ABHD12: variants seen among roughly 807,000 people sequenced by gnomAD.
ABHD12 encodes abhydrolase domain containing 12, lysophospholipase.
A neutral mutation model predicts 58.3 loss-of-function variants in ABHD12; 43 were observed. The observed-to-expected ratio is 0.74, with a 90% CI of 0.58 to 0.95. The LOEUF is 0.95. Among genes scored for constraint, ABHD12 ranks in the 40% least tolerant of loss-of-function variants. The pLI, the probability that ABHD12 is intolerant of heterozygous loss-of-function variation, is 0.00. For missense variants in ABHD12, 539 were observed against 537.2 expected, an observed-to-expected ratio of 1.00 and a Z score of -0.03; for synonymous variants, 219 against 211.2, an observed-to-expected ratio of 1.04 and a Z score of -0.32.
At chr20:25,350,228 T>A (rs2146060621) in intron 1 of ABHD12, among the ~76,000 whole-genome samples, 1 of 152,268 alleles carries the variant, frequency 6.6e-6, no homozygotes, top group South Asian at 2.1e-4. Context: ...TTAACACTAT[T>A]CTGGAAGTGC....
At chr20:25,301,344 A>C (rs2088632086) in intron 12 of ABHD12, among the ~76,000 whole-genome samples, 1 of 152,230 alleles carries the variant, frequency 6.6e-6, no homozygotes, top group South Asian at 2.1e-4. Context: ...GATATACAGC[A>C]CTGGGAGGCA....
intron 1 of ABHD12, among the ~76,000 whole-genome samples, chr20:25,374,437 G>C (rs2089937169): frequency 6.6e-6 from 1 of 152,082 alleles, no homozygotes; most frequent in African/African-American, 2.4e-5. Flanking sequence ...GTAATTTTCA[G>C]ATTTTCCATG....
intron 2 of ABHD12, among the ~76,000 whole-genome samples, chr20:25,324,245 T>G (rs1030397683): frequency 2.6e-5 from 4 of 152,122 alleles, no homozygotes; most frequent in African/African-American, 9.7e-5. Flanking sequence ...CCCCACTTTG[T>G]TATTGTAAAA....
chr20:25,346,447 C>T (rs755591030), intron 1 of ABHD12, among the ~76,000 whole-genome samples: 36 of 152,196 alleles, frequency 2.4e-4, no homozygotes, highest in South Asian at 4.1e-4. Flanking sequence ...CAAGAGTGAA[C>T]CCTACTTAAT....
intron 2 of ABHD12, among the ~76,000 whole-genome samples, chr20:25,334,347 A>G (rs2089327109): frequency 6.6e-6 from 1 of 150,630 alleles, no homozygotes; most frequent in Non-Finnish European, 1.5e-5. Flanking sequence ...CATGGGTAGG[A>G]AGAATCAATA....
chr20:25,387,588 AT>A (rs200691844), intron 1 of ABHD12, among the ~76,000 whole-genome samples: 10 of 133,236 alleles, frequency 7.5e-5, no homozygotes, highest in South Asian at 2.6e-4. Context: ...CTTCATCTCT[AT>A]TAAAAAAAAA....
At chr20:25,295,858 C>A (rs1347511661), downstream of ABHD12, among the ~76,000 whole-genome samples, 1 of 152,174 alleles carries the variant, frequency 6.6e-6, no homozygotes, top group African/African-American at 2.4e-5. Flanking sequence ...GTCACTCCCT[C>A]CGTTGAAAAA....
intron 1 of ABHD12, among the ~76,000 whole-genome samples, chr20:25,348,446 TAAAAA>T (rs59369733): frequency 2.4e-5 from 3 of 124,258 alleles, no homozygotes; most frequent in Non-Finnish European, 5.0e-5. Flanking sequence ...AACCATTTGG[TAAAAA>T]AAAAAAAAAA....
At chr20:25,336,093 C>T (rs999314831) in intron 2 of ABHD12, among the ~76,000 whole-genome samples, 8 of 152,002 alleles carry the variant, frequency 5.3e-5, no homozygotes, top group East Asian at 3.9e-4. Context: ...AGGCAAATAA[C>T]GGCTGGGAAG....
At chr20:25,317,972 TGGTTGGACACCAG>T (rs1415170363) in intron 4 of ABHD12, among the ~76,000 whole-genome samples, 3 of 152,182 alleles carry the variant, frequency 2.0e-5, no homozygotes, top group African/African-American at 7.2e-5. Context: ...GGAGTGTTGC[TGGTTGGACACCAG>T]GATGAGATGG....
chr20:25,328,269 C>T (rs1400034862), intron 2 of ABHD12, among the ~76,000 whole-genome samples: 2 of 152,194 alleles, frequency 1.3e-5, no homozygotes, highest in Non-Finnish European at 2.9e-5. Flanking sequence ...CTCCTGCCAC[C>T]TCATCCTGGG....
At chr20:25,318,216 G>A (rs977040472) in intron 4 of ABHD12, among the ~76,000 whole-genome samples, 5 of 152,222 alleles carry the variant, frequency 3.3e-5, no homozygotes, top group Admixed American at 1.3e-4. Context: ...TCGGGAGACC[G>A]AGGCAGGAGA....
At position 25,301,097 on chromosome 20, in the gene ABHD12, T is replaced by C. The variant is rs2259926; in HGVS notation, c.1158-213A>G. Among the ~76,000 whole-genome samples the C allele has an allele frequency of 0.45, 68,382 of 152,022 alleles. 15,999 individuals are homozygous for C. The highest frequency in any genetic ancestry group is 0.92 in the East Asian group (4,737 of 5,164). ...CAAGTCAAAGCCCAACACACAGGCA[T>C]GGAGACAAGGTCTCTGATTCTTGAC... On this transcript the variant is annotated intron_variant, in intron 12 of 12. Coordinates refer to ENST00000339157, the MANE Select transcript of ABHD12 (RefSeq NM_001042472.3).
intron 2 of ABHD12, among the ~76,000 whole-genome samples, chr20:25,336,628 C>T (rs943808803): frequency 6.6e-5 from 10 of 152,304 alleles, no homozygotes; most frequent in Non-Finnish European, 1.5e-4. Context: ...CCCACCTCCT[C>T]GGCGACGCAG....
At position 25,322,469 on chromosome 20, in the gene ABHD12, T is replaced by C. The variant is rs567126892; in HGVS notation, c.422+856A>G. Among the ~76,000 whole-genome samples, 10 of 146,450 alleles carry C rather than the reference T, an allele frequency of 6.8e-5. No individual in the cohort carries two copies. In the East Asian group the frequency reaches 1.8e-3, roughly 26 times the overall value. On this transcript the variant is annotated intron_variant, in intron 3 of 12. Coordinates refer to ENST00000339157, the MANE Select transcript of ABHD12 (RefSeq NM_001042472.3). ...ATCTCAGCTCACTGCAGCCTCTGCCTCCTGCGTTCAAGCAATTCTCTTGCC... is the reference window on the plus strand; with the variant it reads ...ATCTCAGCTCACTGCAGCCTCTGCCCCCTGCGTTCAAGCAATTCTCTTGCC...
intron 1 of ABHD12, among the ~76,000 whole-genome samples, chr20:25,347,531 A>G (rs1476570976): frequency 6.6e-6 from 1 of 152,180 alleles, no homozygotes; most frequent in Non-Finnish European, 1.5e-5. Context: ...GTTATGGTCA[A>G]GGATAAATCT....
At chr20:25,376,189 T>C (rs943809416) in intron 1 of ABHD12, among the ~76,000 whole-genome samples, 1 of 152,170 alleles carries the variant, frequency 6.6e-6, no homozygotes, top group Non-Finnish European at 1.5e-5. Context: ...AATGTAACCA[T>C]CAAAATTGTT....
chr20:25,379,391 C>T (rs2089996937), intron 1 of ABHD12, among the ~76,000 whole-genome samples: 1 of 152,214 alleles, frequency 6.6e-6, no homozygotes, highest in Admixed American at 6.5e-5. Context: ...GGCCTTGCTG[C>T]TTATTTCCTA....
chr20:25,348,293 T>C (rs1406509692), intron 1 of ABHD12, among the ~76,000 whole-genome samples: 1 of 151,902 alleles, frequency 6.6e-6, no homozygotes, highest in South Asian at 2.1e-4. Flanking sequence ...AATAGACTAA[T>C]AAGTTTTGGG....
Sources: gnomAD v4.1 joint callset for allele counts (sites outside exome capture counted in the v4.1 genomes callset) on GRCh38, gnomAD v4.1.1 for gene constraint, MANE v1.5 for transcripts, NCBI Gene and HGNC (gene_info 2026-07-23, HGNC 2026-07-21) for gene names.